The following LDB2 variants were observed in gnomAD, a reference collection of about 807,000 sequenced individuals.
LDB2 encodes the protein LIM domain binding 2, also known as LIM domain-binding protein 2.
In LDB2, 12 loss-of-function variants were observed where a neutral mutation model predicts 44.3. The observed-to-expected ratio is 0.27, with a 90% CI of 0.17 to 0.44. The LOEUF is 0.44. Among genes scored for constraint, LDB2 ranks in the 20% least tolerant of loss-of-function variants. The probability of loss-of-function intolerance (pLI) is 1.00; values close to 1 mark genes in which losing one functional copy is unlikely to be tolerated. For missense variants in LDB2, 344 were observed against 473.5 expected (o/e 0.73, Z 2.54); for synonymous variants, 164 against 174.8 (o/e 0.94, Z 0.49).
intron 1 of LDB2, among the ~76,000 whole-genome samples, chr4:16,857,011 A>G (rs936350672): frequency 6.6e-6 from 1 of 152,098 alleles, no homozygotes; most frequent in Admixed American, 6.5e-5. Context: ...TTGCTATTCA[A>G]ATTTTCTGAA....
intron 7 of LDB2, among the ~76,000 whole-genome samples, chr4:16,505,132 A>G (rs974335620): frequency 2.6e-5 from 4 of 152,234 alleles, no homozygotes; most frequent in Non-Finnish European, 5.9e-5. Flanking sequence ...AACAACAATC[A>G]TTGAAGAAAA....
intron 2 of LDB2, among the ~76,000 whole-genome samples, chr4:16,603,307 A>G (rs1227667515): frequency 6.6e-6 from 1 of 152,222 alleles, no homozygotes; most frequent in Non-Finnish European, 1.5e-5. Context: ...TAAAGATAGT[A>G]CAGAGTCCAT....
intron 2 of LDB2, among the ~76,000 whole-genome samples, chr4:16,630,037 T>A (rs964187971): frequency 6.6e-6 from 1 of 152,070 alleles, no homozygotes; most frequent in African/African-American, 2.4e-5. Flanking sequence ...CAGGAGAACT[T>A]CTCCAACCTA....
intron 1 of LDB2, among the ~76,000 whole-genome samples, chr4:16,818,250 A>G (rs1046472859): frequency 4.6e-5 from 7 of 152,182 alleles, no homozygotes; most frequent in South Asian, 2.1e-4. Context: ...CAGTACTCCA[A>G]TGGATCAAGG....
intron 2 of LDB2, among the ~76,000 whole-genome samples, chr4:16,605,044 A>G (rs925058319): frequency 1.3e-5 from 2 of 152,152 alleles, no homozygotes; most frequent in African/African-American, 4.8e-5. Context: ...CCTAATCCCA[A>G]TGGATTCCTG....
At chr4:16,856,447 T>A (rs1789361440) in intron 1 of LDB2, among the ~76,000 whole-genome samples, 1 of 152,140 alleles carries the variant, frequency 6.6e-6, no homozygotes. Context: ...ACAATCAAGC[T>A]GTGTCCATTA....
chr4:16,508,758 T>C lies in LDB2; in HGVS notation c.740-72A>G, dbSNP rs976372897. ...ACAAGGCAATCATCAGTATGGTTAC[T>C]CTAAGGAAGCTGTCTTGGTAAACTG... On this transcript the variant is annotated intron_variant, in intron 6 of 7. Coordinates refer to ENST00000304523, the MANE Select transcript of LDB2 (RefSeq NM_001290.5). The C allele has an allele frequency of 3.5e-6, 5 of 1,438,234 alleles. No individual in the cohort carries two copies. In the Admixed American group the frequency reaches 8.3e-5, roughly 24 times the overall value. 89.1% of individuals were successfully genotyped at this position (1,438,234 alleles called of 1,614,324 possible). A position where few individuals can be genotyped will look rare whatever the true frequency, so the allele number is the denominator to read the frequency against.
At chr4:16,861,162 T>C (rs1190314791) in intron 1 of LDB2, among the ~76,000 whole-genome samples, 1 of 152,132 alleles carries the variant, frequency 6.6e-6, no homozygotes, top group African/African-American at 2.4e-5. Flanking sequence ...TTCTTATATA[T>C]GCTGTACAGA....
At chr4:16,725,913 TATGTATACATA>T (rs1759345569) in intron 2 of LDB2, among the ~76,000 whole-genome samples, 1 of 148,368 alleles carries the variant, frequency 6.7e-6, no homozygotes, top group African/African-American at 2.4e-5. Flanking sequence ...TATGTATATA[TATGTATACATA>T]ATGTATAAAT....
intron 7 of LDB2, chr4:16,505,811 C>T: frequency 1.3e-6 from 2 of 1,515,676 alleles, no homozygotes; most frequent in South Asian, 1.3e-5. Flanking sequence ...CACATCTTCT[C>T]ACTAATCCCC....
chr4:16,513,591 A>G (rs1256582830), intron 5 of LDB2, among the ~76,000 whole-genome samples: 1 of 152,200 alleles, frequency 6.6e-6, no homozygotes, highest in Admixed American at 6.5e-5. Context: ...GTGATCTAAG[A>G]AACACTTCCA....
At chr4:16,646,663 A>G (rs1489649659) in intron 2 of LDB2, among the ~76,000 whole-genome samples, 1 of 152,192 alleles carries the variant, frequency 6.6e-6, no homozygotes, top group Non-Finnish European at 1.5e-5. Context: ...TTGCAGATTT[A>G]AGAGGAAGAA....
chr4:16,519,717 C>T (rs762285471), intron 5 of LDB2, among the ~76,000 whole-genome samples: 20 of 151,116 alleles, frequency 1.3e-4, no homozygotes, highest in Non-Finnish European at 2.7e-4. Flanking sequence ...GTGTTCTTGG[C>T]CAAGAATTTT....
chr4:16,848,862 C>G (rs778478655), intron 1 of LDB2, among the ~76,000 whole-genome samples: 24 of 151,954 alleles, frequency 1.6e-4, no homozygotes, highest in Non-Finnish European at 3.2e-4. Context: ...TCCTGTTGAC[C>G]ACTGAAAGAG....
At chr4:16,606,246 G>A (rs1723907298) in intron 2 of LDB2, among the ~76,000 whole-genome samples, 1 of 152,138 alleles carries the variant, frequency 6.6e-6, no homozygotes, top group Admixed American at 6.5e-5. Context: ...AGACTCATTT[G>A]TTGATTTTAA....
chr4:16,525,842 TAA>T (rs976813799), intron 5 of LDB2, among the ~76,000 whole-genome samples: 2 of 152,220 alleles, frequency 1.3e-5, no homozygotes, highest in Admixed American at 1.3e-4. Context: ...ATACCTTGGC[TAA>T]AGCCACTGAG....
At chr4:16,725,878 T>G (rs1271525181) in intron 2 of LDB2, among the ~76,000 whole-genome samples, 3 of 108,346 alleles carry the variant, frequency 2.8e-5, no homozygotes, top group Admixed American at 9.7e-5. Flanking sequence ...TGTATATATA[T>G]ATTTATGTGT....
chr4:16,569,754 A>AGTT (rs775237866), intron 5 of LDB2, among the ~76,000 whole-genome samples: 1 of 152,094 alleles, frequency 6.6e-6, no homozygotes, highest in Non-Finnish European at 1.5e-5. Flanking sequence ...TATATGTGGT[A>AGTT]GTTGTTAATA....
chr4:16,752,406 C>A (rs760580892), intron 2 of LDB2: 2 of 453,234 alleles, frequency 4.4e-6, no homozygotes, highest in South Asian at 3.1e-5. Flanking sequence ...GTTTAACTCA[C>A]CATTTTCCAT....
Sources: allele counts gnomAD v4.1 joint callset (sites outside exome capture counted in the v4.1 genomes callset), GRCh38; gene constraint gnomAD v4.1.1; transcripts MANE v1.5; gene names NCBI Gene and HGNC (gene_info 2026-07-23, HGNC 2026-07-21).